The following SYNDIG1 variants were observed in gnomAD, a reference collection of about 807,000 sequenced individuals.
The protein encoded by SYNDIG1 is synapse differentiation-inducing gene protein 1.
A neutral mutation model predicts 19.4 loss-of-function variants in SYNDIG1; 9 were observed. That is an observed-to-expected ratio of 0.46 (90% CI 0.28 to 0.81). SYNDIG1 has a LOEUF of 0.81. Ranked by LOEUF, SYNDIG1 falls within the 30% of genes least tolerant of loss-of-function variation. SYNDIG1 has a pLI of 0.12. For synonymous variants in SYNDIG1, 141 were observed against 145.9 expected (o/e 0.97, Z 0.24); for missense variants, 311 against 343.3 (o/e 0.91, Z 0.74).
chr20:24,513,727 C>T (rs1452557027), intron 1 of SYNDIG1, among the ~76,000 whole-genome samples: 2 of 152,116 alleles, frequency 1.3e-5, no homozygotes, highest in African/African-American at 4.8e-5. Flanking sequence ...GATAACTTCC[C>T]CAACCTAGCA....
At chr20:24,650,723 G>T (rs116614042) in intron 3 of SYNDIG1, among the ~76,000 whole-genome samples, 2 of 152,180 alleles carry the variant, frequency 1.3e-5, no homozygotes, top group Non-Finnish European at 2.9e-5. Context: ...CTGTTTGATC[G>T]TGTGAAAACA....
chr20:24,532,991 C>T (rs1477106749), intron 1 of SYNDIG1, among the ~76,000 whole-genome samples: 1 of 152,118 alleles, frequency 6.6e-6, no homozygotes, highest in Non-Finnish European at 1.5e-5. Flanking sequence ...TCTTCCTTCT[C>T]CTGGGTCTCA....
chr20:24,490,109 T>C (rs1285050887), intron 1 of SYNDIG1, among the ~76,000 whole-genome samples: 1 of 152,196 alleles, frequency 6.6e-6, no homozygotes, highest in Non-Finnish European at 1.5e-5. Context: ...CTGCACCCTT[T>C]CCTGTTCCAT....
intron 2 of SYNDIG1, among the ~76,000 whole-genome samples, chr20:24,577,643 C>T (rs899664267): frequency 2.0e-5 from 3 of 152,208 alleles, no homozygotes; most frequent in Admixed American, 6.5e-5. Flanking sequence ...GTGCACCTCC[C>T]GTAGATGCAG....
intron 1 of SYNDIG1, among the ~76,000 whole-genome samples, chr20:24,510,103 C>T (rs1308461275): frequency 1.3e-5 from 2 of 152,168 alleles, no homozygotes; most frequent in Non-Finnish European, 2.9e-5. Flanking sequence ...GAGCAAATGC[C>T]AGCACCATGC....
chr20:24,583,573 G>A (rs899727803), intron 2 of SYNDIG1, among the ~76,000 whole-genome samples: 2 of 152,224 alleles, frequency 1.3e-5, no homozygotes. Context: ...GGAAGAGTTG[G>A]TGTGAGGGCT....
At chr20:24,652,625 C>T (rs541051840) in intron 3 of SYNDIG1, among the ~76,000 whole-genome samples, 6 of 152,352 alleles carry the variant, frequency 3.9e-5, no homozygotes, top group African/African-American at 1.4e-4. Context: ...TGAGACACAG[C>T]AGATGACACC....
chr20:24,477,130 C>A (rs1303418283), intron 1 of SYNDIG1, among the ~76,000 whole-genome samples: 1 of 152,178 alleles, frequency 6.6e-6, no homozygotes, highest in Non-Finnish European at 1.5e-5. Flanking sequence ...TGCCACATAC[C>A]TTTCCAGGAA....
At chr20:24,662,156 C>T (rs993720880) in intron 3 of SYNDIG1, among the ~76,000 whole-genome samples, 16 of 151,870 alleles carry the variant, frequency 1.1e-4, no homozygotes, top group Admixed American at 2.0e-4. Flanking sequence ...TCAGTTCTAA[C>T]GGTGACAACT....
At chr20:24,578,132 C>T (rs188202830) in intron 2 of SYNDIG1, among the ~76,000 whole-genome samples, 4 of 152,304 alleles carry the variant, frequency 2.6e-5, no homozygotes, top group African/African-American at 9.6e-5. Context: ...CAGATTTCTG[C>T]CCTCCTGGTG....
chr20:24,529,214 G>A (rs2057189977), intron 1 of SYNDIG1, among the ~76,000 whole-genome samples: 1 of 152,146 alleles, frequency 6.6e-6, no homozygotes, highest in Admixed American at 6.5e-5. Flanking sequence ...CTAAACCATG[G>A]ACTGTGTGTG....
At chr20:24,661,910 C>T (rs2059608505) in intron 3 of SYNDIG1, among the ~76,000 whole-genome samples, 1 of 152,100 alleles carries the variant, frequency 6.6e-6, no homozygotes, top group Admixed American at 6.5e-5. Flanking sequence ...GGGGTTCCAC[C>T]AGAGAGAATT....
At chr20:24,513,388 C>G (rs6076233) in intron 1 of SYNDIG1, among the ~76,000 whole-genome samples, 1 of 151,994 alleles carries the variant, frequency 6.6e-6, no homozygotes. Flanking sequence ...AAAAGCTTAG[C>G]TGAATGGCTA....
At chr20:24,621,175 C>A (rs1045255527) in intron 3 of SYNDIG1, among the ~76,000 whole-genome samples, 5 of 152,152 alleles carry the variant, frequency 3.3e-5, no homozygotes, top group Admixed American at 2.0e-4. Context: ...TGTATGTGTA[C>A]AAGAAAGGAA....
chr20:24,646,863 C>T (rs1200365003), intron 3 of SYNDIG1, among the ~76,000 whole-genome samples: 1 of 152,096 alleles, frequency 6.6e-6, no homozygotes, highest in Non-Finnish European at 1.5e-5. Flanking sequence ...TCAGGTGATC[C>T]ACCCACCTCA....
chr20:24,479,384 A>G (rs1037635086), intron 1 of SYNDIG1, among the ~76,000 whole-genome samples: 1 of 151,952 alleles, frequency 6.6e-6, no homozygotes, highest in African/African-American at 2.4e-5. Context: ...GAGCTTTCCT[A>G]TGTGCACAAC....
chr20:24,646,830 A>G (rs2059427176), intron 3 of SYNDIG1, among the ~76,000 whole-genome samples: 1 of 152,144 alleles, frequency 6.6e-6, no homozygotes, highest in Admixed American at 6.5e-5. Context: ...CATGTTGGCC[A>G]GGCTGGTCTC....
intron 1 of SYNDIG1, among the ~76,000 whole-genome samples, chr20:24,500,607 T>C (rs145470771): frequency 1.6e-4 from 25 of 152,030 alleles, no homozygotes; most frequent in Non-Finnish European, 3.1e-4. Flanking sequence ...ATTCAAGTGA[T>C]GTGTGCCATG....
intron 3 of SYNDIG1, among the ~76,000 whole-genome samples, chr20:24,640,404 AAGTG>A (rs541090085): frequency 6.1e-4 from 92 of 149,808 alleles, no homozygotes; most frequent in Non-Finnish European, 1.2e-3. Flanking sequence ...AAAGAAAAGA[AAGTG>A]AGAGAGGGAG....
Sources: allele counts gnomAD v4.1 joint callset (sites outside exome capture counted in the v4.1 genomes callset), GRCh38; gene constraint gnomAD v4.1.1; transcripts MANE v1.5; gene names NCBI Gene and HGNC (gene_info 2026-07-23, HGNC 2026-07-21).